GRIA4: variants seen among roughly 807,000 people sequenced by gnomAD.
The protein encoded by GRIA4 is glutamate ionotropic receptor AMPA type subunit 4.
A neutral mutation model predicts 104.0 loss-of-function variants in GRIA4; 34 were observed. The ratio of observed to expected loss-of-function variants is 0.33; its 90% CI spans 0.25 to 0.44. The LOEUF (loss-of-function observed/expected upper bound fraction) is 0.44. Among genes scored for constraint, GRIA4 ranks in the 20% least tolerant of loss-of-function variants. GRIA4 has a pLI of 1.00. For synonymous variants in GRIA4, 386 were observed against 381.9 expected (o/e 1.01, Z -0.13); for missense variants, 750 against 1,096.5 (o/e 0.68, Z 4.46).
intron 4 of GRIA4, among the ~76,000 whole-genome samples, chr11:105,807,955 T>C (rs1411597756): frequency 6.6e-6 from 1 of 152,024 alleles, no homozygotes; most frequent in Non-Finnish European, 1.5e-5. Flanking sequence ...AATGTTAATT[T>C]TATTTGATCT....
chr11:105,868,167 G>A (rs1255311364), intron 5 of GRIA4, among the ~76,000 whole-genome samples: 1 of 152,150 alleles, frequency 6.6e-6, no homozygotes, highest in Non-Finnish European at 1.5e-5. Flanking sequence ...GTTTCACAGA[G>A]AAAAGAAGCA....
In GRIA4 at chr11:105,800,437, A is replaced by G. The variant is rs143415502; in HGVS notation, c.487+47217A>G. ...ATTAGCTTAAAGTGTGGCTGTGAAG[A>G]CTCCTAATGATAATGTGTCAAGGTA... is the stretch of plus-strand genomic sequence containing the variant. On this transcript the variant is annotated intron_variant, in intron 4 of 16. Transcript: ENST00000282499. Among the ~76,000 whole-genome samples the G allele has an allele frequency of 9.5e-3, 1,441 of 152,044 alleles. 31 individuals are homozygous for G. Among genetic ancestry groups the G allele is most frequent in the African/African-American group, 0.033 (1,372 of 41,496 alleles).
chr11:105,692,827 T>G (rs1429421788), intron 3 of GRIA4, among the ~76,000 whole-genome samples: 1 of 152,198 alleles, frequency 6.6e-6, no homozygotes, highest in African/African-American at 2.4e-5. Flanking sequence ...CTACACTAAC[T>G]CATAGTATAC....
intron 7 of GRIA4, among the ~76,000 whole-genome samples, chr11:105,898,675 C>T (rs1448488326): frequency 6.6e-6 from 1 of 152,020 alleles, no homozygotes; most frequent in Admixed American, 6.6e-5. Flanking sequence ...TATGAATTTT[C>T]TTTCAGAATT....
At chr11:105,917,911 G>A (rs1451266513) in intron 10 of GRIA4, among the ~76,000 whole-genome samples, 1 of 147,596 alleles carries the variant, frequency 6.8e-6, no homozygotes, top group Non-Finnish European at 1.5e-5. Flanking sequence ...ATTTTATCAG[G>A]ATTTTCACCA....
At chr11:105,947,265 T>C (rs1198927877) in intron 14 of GRIA4, among the ~76,000 whole-genome samples, 1 of 152,192 alleles carries the variant, frequency 6.6e-6, no homozygotes, top group African/African-American at 2.4e-5. Flanking sequence ...ACTTCTTTAA[T>C]GAAAAGTACA....
chr11:105,967,353 T>C (rs899920913), intron 14 of GRIA4, among the ~76,000 whole-genome samples: 5 of 152,146 alleles, frequency 3.3e-5, no homozygotes, highest in African/African-American at 1.2e-4. Context: ...ACAAAAGTCA[T>C]TCTAATTTAT....
intron 4 of GRIA4, among the ~76,000 whole-genome samples, chr11:105,814,377 T>C (rs1943295990): frequency 6.6e-6 from 1 of 152,196 alleles, no homozygotes; most frequent in South Asian, 2.1e-4. Flanking sequence ...TTACTATTGA[T>C]TCACACTCAA....
intron 4 of GRIA4, among the ~76,000 whole-genome samples, chr11:105,808,476 T>C (rs1481330339): frequency 6.6e-6 from 1 of 152,042 alleles, no homozygotes; most frequent in African/African-American, 2.4e-5. Flanking sequence ...TAATCTTCAT[T>C]CTTTTTTATT....
At chr11:105,820,044 G>C (rs146134511) in intron 4 of GRIA4, among the ~76,000 whole-genome samples, 15 of 152,112 alleles carry the variant, frequency 9.9e-5, no homozygotes, top group African/African-American at 3.4e-4. Flanking sequence ...AAGATTGCGG[G>C]AAAACCACCA....
intron 11 of GRIA4, 38 bp downstream of exon 11, chr11:105,918,956 C>A (rs1340196383): frequency 8.4e-7 from 1 of 1,184,832 alleles, no homozygotes; most frequent in East Asian, 2.4e-5. Flanking sequence ...TACTTACATA[C>A]ACCTGAAACT....
At chr11:105,700,683 C>T (rs983827629) in intron 3 of GRIA4, among the ~76,000 whole-genome samples, 1 of 152,136 alleles carries the variant, frequency 6.6e-6, no homozygotes, top group African/African-American at 2.4e-5. Context: ...CCTTCAAATC[C>T]ATGCATTCGA....
intron 3 of GRIA4, among the ~76,000 whole-genome samples, chr11:105,653,827 T>A (rs971301166): frequency 1.3e-5 from 2 of 151,376 alleles, no homozygotes; most frequent in South Asian, 2.1e-4. Context: ...TCTTGAAGAA[T>A]GAATAAAAAG....
chr11:105,645,205 G>C (rs1285061926), intron 3 of GRIA4, among the ~76,000 whole-genome samples: 1 of 152,244 alleles, frequency 6.6e-6, no homozygotes, highest in East Asian at 1.9e-4. Flanking sequence ...GCTGCAAAAA[G>C]ACACTTTACA....
At chr11:105,740,208 G>A (rs1036058940) in intron 3 of GRIA4, among the ~76,000 whole-genome samples, 3 of 152,142 alleles carry the variant, frequency 2.0e-5, no homozygotes, top group Non-Finnish European at 2.9e-5. Flanking sequence ...TCTTCACAAA[G>A]AGTCATTATA....
At chr11:105,876,253 G>T (rs1017965138) in intron 5 of GRIA4, among the ~76,000 whole-genome samples, 5 of 152,050 alleles carry the variant, frequency 3.3e-5, no homozygotes, top group African/African-American at 1.2e-4. Context: ...CTGAGTTCTA[G>T]TTTGAGTTCA....
intron 3 of GRIA4, among the ~76,000 whole-genome samples, chr11:105,689,100 A>G (rs1952995495): frequency 6.6e-6 from 1 of 152,228 alleles, no homozygotes; most frequent in African/African-American, 2.4e-5. Flanking sequence ...ACACAATATG[A>G]TTATATGATA....
chr11:105,888,608 C>T lies in GRIA4; in HGVS notation c.726+1036C>T, dbSNP rs534657800. 2.0e-5 allele frequency among the ~76,000 whole-genome samples: 3 copies of T among 151,724 alleles called. No individual in the cohort carries two copies. The East Asian group carries it at 5.8e-4, about 29-fold the overall frequency. On this transcript the variant is annotated intron_variant, in intron 6 of 16. Coordinates refer to ENST00000282499, the MANE Select transcript of GRIA4 (RefSeq NM_000829.4). ...GCCTCCTTTTTCTATTTTTATGACA[C>T]TTTTTTTTAATGACTATCTTGCGCT...
At chr11:105,708,605 C>T (rs912313634) in intron 3 of GRIA4, among the ~76,000 whole-genome samples, 1 of 151,914 alleles carries the variant, frequency 6.6e-6, no homozygotes, top group Non-Finnish European at 1.5e-5. Context: ...TTACCATACC[C>T]AGATACGGTA....
Sources: allele counts gnomAD v4.1 joint callset (sites outside exome capture counted in the v4.1 genomes callset), GRCh38; gene constraint gnomAD v4.1.1; transcripts MANE v1.5; gene names NCBI Gene and HGNC (gene_info 2026-07-23, HGNC 2026-07-21).